The following ADAMTS17 variants were observed in gnomAD, a reference collection of about 807,000 sequenced individuals.
The protein encoded by ADAMTS17 is ADAM metallopeptidase with thrombospondin type 1 motif 17, also known as A disintegrin and metalloproteinase with thrombospondin motifs 17.
A neutral mutation model predicts 141.5 loss-of-function variants in ADAMTS17; 113 were observed. The observed-to-expected ratio is 0.80, with a 90% CI of 0.69 to 0.93. ADAMTS17 has a LOEUF of 0.93. Ranked by LOEUF, ADAMTS17 falls within the 40% of genes least tolerant of loss-of-function variation. The pLI, the probability that ADAMTS17 is intolerant of heterozygous loss-of-function variation, is 0.00. For synonymous variants in ADAMTS17, 768 were observed against 630.6 expected (o/e 1.22, Z -3.27); for missense variants, 1,659 against 1,517.9 (o/e 1.09, Z -1.54).
At chr15:100,179,724 G>C (rs960808697) in intron 8 of ADAMTS17, among the ~76,000 whole-genome samples, 5 of 152,156 alleles carry the variant, frequency 3.3e-5, no homozygotes, top group Non-Finnish European at 7.3e-5. Flanking sequence ...CTGTCTTTTG[G>C]ATAAAAGCCT....
chr15:100,121,972 C>T (rs879893952), intron 12 of ADAMTS17, among the ~76,000 whole-genome samples: 14 of 152,162 alleles, frequency 9.2e-5, no homozygotes, highest in Non-Finnish European at 1.6e-4. Flanking sequence ...CCAGAGAGTT[C>T]CACCAGTACA....
chr15:100,244,513 C>T (rs2042928174), intron 7 of ADAMTS17, among the ~76,000 whole-genome samples: 1 of 151,732 alleles, frequency 6.6e-6, no homozygotes, highest in Non-Finnish European at 1.5e-5. Flanking sequence ...GGGGGCAGTT[C>T]TTTCCTGTGC....
intron 7 of ADAMTS17, among the ~76,000 whole-genome samples, chr15:100,226,649 G>C (rs1218306280): frequency 6.6e-6 from 1 of 152,124 alleles, no homozygotes; most frequent in Non-Finnish European, 1.5e-5. Flanking sequence ...AGAGTGCAGG[G>C]GCTTTCAGCA....
At chr15:100,071,795 T>C (rs1268435282) in intron 15 of ADAMTS17, among the ~76,000 whole-genome samples, 1 of 150,358 alleles carries the variant, frequency 6.7e-6, no homozygotes, top group Non-Finnish European at 1.5e-5. Flanking sequence ...CCATAGCCAA[T>C]ATCATACCGA....
chr15:99,994,799 C>G (rs1363706717), intron 19 of ADAMTS17, among the ~76,000 whole-genome samples: 1 of 152,298 alleles, frequency 6.6e-6, no homozygotes, highest in Non-Finnish European at 1.5e-5. Context: ...TCTCCTGACT[C>G]GTGATCCACC....
At chr15:100,222,067 T>C (rs2042151143) in intron 7 of ADAMTS17, among the ~76,000 whole-genome samples, 1 of 152,100 alleles carries the variant, frequency 6.6e-6, no homozygotes, top group Non-Finnish European at 1.5e-5. Context: ...GCCTTAAGAG[T>C]GCTTTCATGG....
At chr15:100,117,574 C>G (rs1359007503) in intron 12 of ADAMTS17, among the ~76,000 whole-genome samples, 1 of 152,178 alleles carries the variant, frequency 6.6e-6, no homozygotes, top group Non-Finnish European at 1.5e-5. Context: ...AGGTGTGAGA[C>G]CACACATGGT....
intron 8 of ADAMTS17, among the ~76,000 whole-genome samples, chr15:100,170,863 C>T (rs12441250): frequency 0.059 from 8,973 of 152,210 alleles, 383 homozygotes; most frequent in East Asian, 0.17. Flanking sequence ...GGAGGGTTTA[C>T]CTCAGCCAAT....
At chr15:100,328,876 GAGA>G (rs554480375) in intron 3 of ADAMTS17, among the ~76,000 whole-genome samples, 56 of 152,294 alleles carry the variant, frequency 3.7e-4, no homozygotes, top group African/African-American at 1.3e-3. Flanking sequence ...AGAGAACAGT[GAGA>G]AGAAGACACA....
At chr15:100,199,479 C>T in intron 7 of ADAMTS17, 56 bp from the exon 8 acceptor site, 1 of 1,426,586 alleles carries the variant, frequency 7.0e-7, no homozygotes, top group Non-Finnish European at 9.9e-7. Flanking sequence ...CCTGGTCTCA[C>T]CGGGCAAGTC....
At chr15:100,246,793 A>G (rs899935217) in intron 7 of ADAMTS17, among the ~76,000 whole-genome samples, 18 of 152,066 alleles carry the variant, frequency 1.2e-4, no homozygotes, top group African/African-American at 4.3e-4. Context: ...CAGGCTAGTG[A>G]TATTATTTTT....
rs572203723 is a variant in ADAMTS17 at position 100,324,086 on chromosome 15, C to A, written c.616+6803G>T. Among the ~76,000 whole-genome samples, 3 of 151,974 alleles carry A rather than the reference C, an allele frequency of 2.0e-5. No homozygotes were observed. The East Asian group carries it at 5.8e-4, about 29-fold the overall frequency. On this transcript the variant is annotated intron_variant, in intron 3 of 21. Coordinates refer to ENST00000268070, the MANE Select transcript of ADAMTS17 (RefSeq NM_139057.4). ...TTGGGAGGCCGAGGCAGGCAGATCACCTGAGGTCAGGAGTTCAAGACCACC... is the reference window on the plus strand; with the variant it reads ...TTGGGAGGCCGAGGCAGGCAGATCAACTGAGGTCAGGAGTTCAAGACCACC...
intron 15 of ADAMTS17, among the ~76,000 whole-genome samples, chr15:100,085,159 G>C (rs999391796): frequency 6.6e-6 from 1 of 152,152 alleles, no homozygotes; most frequent in African/African-American, 2.4e-5. Context: ...GGACCTGAGG[G>C]AGCTGAAAGC....
At chr15:99,999,489 G>A (rs905075946) in intron 18 of ADAMTS17, among the ~76,000 whole-genome samples, 18 of 152,174 alleles carry the variant, frequency 1.2e-4, no homozygotes, top group Admixed American at 7.8e-4. Flanking sequence ...GGTCACAGGG[G>A]TGCAAAGGCC....
chr15:99,977,168 G>A (rs1474654865), intron 20 of ADAMTS17, among the ~76,000 whole-genome samples: 5 of 151,210 alleles, frequency 3.3e-5, no homozygotes, highest in East Asian at 2.0e-4. Context: ...CCAGAGTCAC[G>A]CACTAACATG....
intron 4 of ADAMTS17, among the ~76,000 whole-genome samples, chr15:100,263,371 G>A (rs1272362217): frequency 6.6e-6 from 1 of 152,140 alleles, no homozygotes; most frequent in Non-Finnish European, 1.5e-5. Context: ...CCAGCCAAAA[G>A]GTCCACATTC....
intron 7 of ADAMTS17, among the ~76,000 whole-genome samples, chr15:100,227,570 T>C (rs1204760251): frequency 6.6e-6 from 1 of 152,346 alleles, no homozygotes; most frequent in South Asian, 2.1e-4. Context: ...AGCCCAGTGA[T>C]GGCACATCGC....
At chr15:100,176,918 T>A (rs1243260007) in intron 8 of ADAMTS17, among the ~76,000 whole-genome samples, 2 of 152,284 alleles carry the variant, frequency 1.3e-5, no homozygotes, top group African/African-American at 4.8e-5. Context: ...TCCTTGAGGT[T>A]CATCCACATT....
rs144132112 is a variant in ADAMTS17, at chr15:100,239,394, A to T, written c.1075+14742T>A. 2.4e-3 allele frequency among the ~76,000 whole-genome samples: 365 copies of T among 152,238 alleles called. 4 individuals carry two copies. Among genetic ancestry groups the T allele is most frequent in the African/African-American group, 7.9e-3 (327 of 41,544 alleles). On this transcript the variant is annotated intron_variant, in intron 7 of 21. Transcript: ENST00000268070. The stretch of plus-strand genomic sequence containing the variant: ...TGGTCTTTCCTACCTGTCAATAATG[A>T]CTGGTGCAGGGATACCGCAGTCGAC...
Sources: gnomAD v4.1 joint callset for allele counts (sites outside exome capture counted in the v4.1 genomes callset) on GRCh38, gnomAD v4.1.1 for gene constraint, MANE v1.5 for transcripts, NCBI Gene and HGNC (gene_info 2026-07-23, HGNC 2026-07-21) for gene names.